Variants in ARHGAP22 observed in about 807,000 individuals in gnomAD.
The protein encoded by ARHGAP22 is Rho GTPase activating protein 22, also known as rho GTPase-activating protein 22.
A neutral mutation model predicts 59.1 loss-of-function variants in ARHGAP22; 48 were observed. That is an observed-to-expected ratio of 0.81 (90% confidence interval 0.64 to 1.03). ARHGAP22 has a LOEUF of 1.03. Among genes scored for constraint, ARHGAP22 ranks in the 50% least tolerant of loss-of-function variants. The pLI is 0.00. For synonymous variants in ARHGAP22, 445 were observed against 416.4 expected, an observed-to-expected ratio of 1.07 and a Z score of -0.84; for missense variants, 1,015 against 958.7, an observed-to-expected ratio of 1.06 and a Z score of -0.78.
At chr10:48,563,441 C>T (rs1173794354) in intron 2 of ARHGAP22, among the ~76,000 whole-genome samples, 1 of 152,150 alleles carries the variant, frequency 6.6e-6, no homozygotes, top group Non-Finnish European at 1.5e-5. Context: ...CCGCCCGTCT[C>T]GGCCTCCCAA....
At chr10:48,493,591 G>A (rs2050631138) in intron 3 of ARHGAP22, 4 of 1,484,660 alleles carry the variant, frequency 2.7e-6, no homozygotes, top group East Asian at 5.0e-5. Flanking sequence ...TCCACTGCAG[G>A]GCTGCGGCCA....
rs2058065628 is a variant in ARHGAP22, at chr10:48,566,685, T to A, written c.235-11135A>T. ...CAGATCGGACCTGGGAACGCCCTGC[T>A]TCTTCACTGTGTCATGAGGCTATCC... On this transcript the variant is annotated intron_variant, in intron 2 of 9. Transcript: ENST00000249601. 3.3e-5 allele frequency among the ~76,000 whole-genome samples: 5 copies of A among 152,218 alleles called. No individual in the cohort carries two copies. The South Asian group carries it at 1.0e-3, about 31-fold the overall frequency.
At chr10:48,449,936 CCCCCT>C (rs1258148306) in intron 9 of ARHGAP22, among the ~76,000 whole-genome samples, 4 of 152,232 alleles carry the variant, frequency 2.6e-5, no homozygotes, top group African/African-American at 9.6e-5. Flanking sequence ...CCAGGGGCCG[CCCCCT>C]CCCTGGCTGC....
chr10:48,444,283 T>TAAC (rs2045271754), downstream of ARHGAP22: 1 of 152,180 alleles, frequency 6.6e-6, no homozygotes, highest in Non-Finnish European at 1.5e-5. Context: ...TCAGCAAATG[T>TAAC]AACTCAATTG....
chr10:48,538,484 T>C (rs971643494), intron 3 of ARHGAP22, among the ~76,000 whole-genome samples: 1 of 152,228 alleles, frequency 6.6e-6, no homozygotes, highest in Middle Eastern at 3.2e-3. Context: ...CAGGGAGAGC[T>C]ATGTTCTTGG....
intron 3 of ARHGAP22, among the ~76,000 whole-genome samples, chr10:48,509,138 G>A (rs1204321794): frequency 1.3e-5 from 2 of 152,238 alleles, no homozygotes; most frequent in Non-Finnish European, 2.9e-5. Context: ...GAAGTCTGAC[G>A]TCAGAGCTGG....
chr10:48,623,882 C>G (rs1017988077), intron 1 of ARHGAP22: 1 of 152,216 alleles, frequency 6.6e-6, no homozygotes, highest in African/African-American at 2.4e-5. Context: ...CAAAATATGA[C>G]TTCCTGAAAT....
intron 1 of ARHGAP22, among the ~76,000 whole-genome samples, chr10:48,629,970 G>A (rs1317479212): frequency 2.0e-5 from 3 of 152,100 alleles, no homozygotes; most frequent in Non-Finnish European, 4.4e-5. Flanking sequence ...TTAAATGACA[G>A]ATTTGAAAAA....
chr10:48,516,244 G>T (rs984175217), intron 3 of ARHGAP22, among the ~76,000 whole-genome samples: 12 of 152,174 alleles, frequency 7.9e-5, no homozygotes, highest in Non-Finnish European at 1.8e-4. Context: ...AGAGTTTGTG[G>T]CCAGGTACAG....
At chr10:48,525,024 TATC>T (rs561222781) in intron 3 of ARHGAP22, among the ~76,000 whole-genome samples, 27 of 152,200 alleles carry the variant, frequency 1.8e-4, no homozygotes, top group Non-Finnish European at 3.7e-4. Flanking sequence ...AAGTGTGAGC[TATC>T]ATCATCATCA....
intron 5 of ARHGAP22, among the ~76,000 whole-genome samples, chr10:48,456,871 A>T (rs1459483758): frequency 9.0e-6 from 1 of 111,470 alleles, no homozygotes; most frequent in African/African-American, 3.5e-5. Flanking sequence ...AGCTGTCACC[A>T]GGCCTTTTCT....
At chr10:48,464,096 A>G (rs1054414452) in intron 4 of ARHGAP22, among the ~76,000 whole-genome samples, 3 of 151,914 alleles carry the variant, frequency 2.0e-5, no homozygotes, top group Non-Finnish European at 2.9e-5. Flanking sequence ...TAACCCCTAT[A>G]CTTTGTGCCT....
At chr10:48,518,808 G>A (rs756456267) in intron 3 of ARHGAP22, among the ~76,000 whole-genome samples, 1 of 152,230 alleles carries the variant, frequency 6.6e-6, no homozygotes, top group Non-Finnish European at 1.5e-5. Flanking sequence ...CAGCAGATGG[G>A]GCTGCAGGTG....
intron 3 of ARHGAP22, among the ~76,000 whole-genome samples, chr10:48,496,775 TG>T (rs1214229068): frequency 2.6e-5 from 4 of 152,136 alleles, no homozygotes; most frequent in Admixed American, 6.5e-5. Context: ...CCTAGTTCAG[TG>T]CAGTAATGGA....
At chr10:48,488,098 A>G (rs1440313286) in intron 3 of ARHGAP22, among the ~76,000 whole-genome samples, 2 of 152,086 alleles carry the variant, frequency 1.3e-5, no homozygotes, top group Non-Finnish European at 2.9e-5. Context: ...GCAATAGAAA[A>G]CTAATACAGC....
At chr10:48,538,654 C>A (rs896886450) in intron 3 of ARHGAP22, among the ~76,000 whole-genome samples, 4 of 152,176 alleles carry the variant, frequency 2.6e-5, no homozygotes, top group African/African-American at 9.7e-5. Flanking sequence ...AAATTAGAAC[C>A]ATTTACACCT....
At chr10:48,435,092 T>C in the ARHGAP22 span, 1 of 1,254,440 alleles carries the variant, frequency 8.0e-7, no homozygotes, top group African/African-American at 1.5e-5. Flanking sequence ...AGAACTACTT[T>C]GAAAACAATT....
chr10:48,437,212 C>A, the ARHGAP22 span: 1 of 152,172 alleles, frequency 6.6e-6, no homozygotes, highest in Admixed American at 6.5e-5. Context: ...CAAATTATAT[C>A]CTAAAAACAA....
chr10:48,605,343 C>A (rs553725850), upstream of ARHGAP22, among the ~76,000 whole-genome samples: 1 of 140,922 alleles, frequency 7.1e-6, no homozygotes, highest in South Asian at 2.6e-4. Context: ...CCCCCCCCAC[C>A]CCAGAGCCCA....
Sources: gnomAD v4.1 joint callset for allele counts (sites outside exome capture counted in the v4.1 genomes callset) on GRCh38, gnomAD v4.1.1 for gene constraint, MANE v1.5 for transcripts, NCBI Gene and HGNC (gene_info 2026-07-23, HGNC 2026-07-21) for gene names.